Variants in ELAPOR1 observed in about 807,000 individuals in gnomAD.
The protein encoded by ELAPOR1 is endosome-lysosome associated apoptosis and autophagy regulator 1, also known as endosome/lysosome-associated apoptosis and autophagy regulator 1.
Under a neutral mutation model 119.7 loss-of-function variants are expected in ELAPOR1, and 77 were observed. The ratio of observed to expected loss-of-function variants is 0.64; its 90% CI spans 0.54 to 0.78. The LOEUF (loss-of-function observed/expected upper bound fraction) is 0.78, where lower values mean the gene tolerates loss of function less well. Among genes scored for constraint, ELAPOR1 ranks in the 30% least tolerant of loss-of-function variants. ELAPOR1 has a pLI of 0.00. For missense variants in ELAPOR1, 1,115 were observed against 1,270.4 expected, an observed-to-expected ratio of 0.88 and a Z score of 1.86; for synonymous variants, 481 against 487.2, an observed-to-expected ratio of 0.99 and a Z score of 0.17.
intron 10 of ELAPOR1, 85 bp downstream of exon 10, chr1:109,189,279 T>A: frequency 6.7e-7 from 1 of 1,487,816 alleles, no homozygotes. Context: ...ATAATAGTGA[T>A]GTCTGAGAAA....
chr1:109,121,328 G>T (rs1359525377), intron 1 of ELAPOR1, among the ~76,000 whole-genome samples: 1 of 151,940 alleles, frequency 6.6e-6, no homozygotes, highest in Non-Finnish European at 1.5e-5. Flanking sequence ...TGTATTTTTA[G>T]TAGAGATGGT....
intron 1 of ELAPOR1, among the ~76,000 whole-genome samples, chr1:109,155,866 G>T (rs1245003774): frequency 6.6e-6 from 1 of 152,134 alleles, no homozygotes; most frequent in Middle Eastern, 3.2e-3. Flanking sequence ...TTTTTGGACG[G>T]GTGTGGTGAC....
rs1648423990 is a variant in ELAPOR1, at chr1:109,121,615, G to T, written c.153+7279G>T. 3.3e-5 allele frequency among the ~76,000 whole-genome samples: 5 copies of T among 152,262 alleles called. No homozygotes were observed. The South Asian group carries it at 1.0e-3, about 32-fold the overall frequency. On this transcript the variant is annotated intron_variant, in intron 1 of 21. Coordinates refer to ENST00000369939, the MANE Select transcript of ELAPOR1 (RefSeq NM_020775.5). ...TTACATTCAGGATGAATCCTGAAAA[G>T]AGGGGTAATGCTGCCTTAGACACTG...
chr1:109,142,527 G>T (rs1649892968), intron 1 of ELAPOR1, among the ~76,000 whole-genome samples: 1 of 152,246 alleles, frequency 6.6e-6, no homozygotes, highest in Non-Finnish European at 1.5e-5. Flanking sequence ...GTCAGATCTT[G>T]TGATCTCATA....
At chr1:109,175,857 T>C (rs937205500) in intron 7 of ELAPOR1, among the ~76,000 whole-genome samples, 90 of 139,306 alleles carry the variant, frequency 6.5e-4, no homozygotes, top group East Asian at 5.1e-3. Flanking sequence ...AAAAAGATTA[T>C]AACATAAACA....
intron 1 of ELAPOR1, among the ~76,000 whole-genome samples, chr1:109,136,972 C>T (rs566291911): frequency 5.9e-5 from 9 of 152,216 alleles, no homozygotes; most frequent in South Asian, 4.2e-4. Context: ...AGGGGAGCTC[C>T]CACCGGCCAG....
intron 7 of ELAPOR1, among the ~76,000 whole-genome samples, chr1:109,174,958 G>T (rs192955050): frequency 6.6e-5 from 10 of 151,566 alleles, no homozygotes; most frequent in African/African-American, 2.4e-4. Context: ...CTCGTGATCC[G>T]CCCGCCTCAG....
intron 1 of ELAPOR1, among the ~76,000 whole-genome samples, chr1:109,137,551 G>A (rs929492911): frequency 8.0e-5 from 12 of 149,646 alleles, no homozygotes; most frequent in Non-Finnish European, 1.5e-4. Flanking sequence ...TTTTGAGGCG[G>A]AGTTTCGCTC....
intron 8 of ELAPOR1, chr1:109,187,498 C>T (rs1315973022): frequency 1.0e-6 from 1 of 1,000,282 alleles, no homozygotes; most frequent in East Asian, 1.1e-4. Flanking sequence ...TGTTCATCAA[C>T]CCCTCAGTTC....
At chr1:109,151,041 G>T (rs1267003220) in intron 1 of ELAPOR1, among the ~76,000 whole-genome samples, 4 of 152,164 alleles carry the variant, frequency 2.6e-5, no homozygotes, top group Non-Finnish European at 5.9e-5. Flanking sequence ...TATGGGCAAT[G>T]ATCCATGGGC....
chr1:109,129,827 T>C (rs147409678), intron 1 of ELAPOR1, among the ~76,000 whole-genome samples: 2,271 of 152,298 alleles, frequency 0.015, 25 homozygotes, highest in Middle Eastern at 0.024. Context: ...AGACGTGCAC[T>C]AGTTATATTA....
At chr1:109,140,317 T>C (rs756018015) in intron 1 of ELAPOR1, among the ~76,000 whole-genome samples, 23 of 152,192 alleles carry the variant, frequency 1.5e-4, no homozygotes, top group Non-Finnish European at 2.5e-4. Flanking sequence ...TGAGGTAAAG[T>C]GGGCAGCATC....
intron 1 of ELAPOR1, among the ~76,000 whole-genome samples, chr1:109,138,834 C>CAAAAAAAAAAAAAAAAAAAAAAAAAAA (rs150398954): frequency 7.5e-5 from 8 of 107,322 alleles, no homozygotes; most frequent in Non-Finnish European, 9.1e-5. Flanking sequence ...AACTCCATCT[C>CAAAAAAAAAAAAAAAAAAAAAAAAAAA]AAAAAAAAAA....
chr1:109,202,188 C>A (rs868479233), intron 21 of ELAPOR1, among the ~76,000 whole-genome samples: 18 of 152,128 alleles, frequency 1.2e-4, no homozygotes, highest in Middle Eastern at 3.2e-3. Flanking sequence ...TCTCAGCTCA[C>A]TGCAACCTCC....
At chr1:109,138,550 T>C (rs1441676955) in intron 1 of ELAPOR1, among the ~76,000 whole-genome samples, 1 of 132,344 alleles carries the variant, frequency 7.6e-6, no homozygotes, top group African/African-American at 3.1e-5. Flanking sequence ...AAACTGTTTC[T>C]ATCACCTCCT....
At position 109,192,998 on chromosome 1, in the gene ELAPOR1, G is replaced by C. The variant is rs900352562; in HGVS notation, c.1947+124G>C. The C allele has an allele frequency of 5.5e-6, 6 of 1,098,826 alleles. No homozygotes were observed. The East Asian group carries it at 1.2e-4, about 22-fold the overall frequency. 68.1% of individuals were successfully genotyped at this position (1,098,826 alleles called of 1,614,324 possible). A position where few individuals can be genotyped will look rare whatever the true frequency, so the allele number is the denominator to read the frequency against. On this transcript the variant is annotated intron_variant, in intron 14 of 21. Coordinates refer to ENST00000369939, the MANE Select transcript of ELAPOR1 (RefSeq NM_020775.5). ...GAGTGCTCCCCCTAGCATACTCCTA[G>C]GTTGGAGTCCTGGAGGACACCCATC...
intron 8 of ELAPOR1, chr1:109,187,836 C>T: frequency 9.9e-7 from 1 of 1,008,594 alleles, no homozygotes; most frequent in Non-Finnish European, 1.2e-6. Context: ...TCACCAGCTG[C>T]TTTTCCTGTG....
intron 21 of ELAPOR1, among the ~76,000 whole-genome samples, chr1:109,201,867 A>G (rs924975999): frequency 1.3e-5 from 2 of 152,192 alleles, no homozygotes; most frequent in Non-Finnish European, 2.9e-5. Context: ...TGGGAGGCCC[A>G]GGCTGGAGGA....
At chr1:109,196,585 G>T (rs1408816907) in intron 15 of ELAPOR1, among the ~76,000 whole-genome samples, 2 of 149,268 alleles carry the variant, frequency 1.3e-5, no homozygotes, top group South Asian at 2.1e-4. Context: ...AAAGACAAAA[G>T]AACTCTATTT....
Sources: allele counts gnomAD v4.1 joint callset (sites outside exome capture counted in the v4.1 genomes callset), GRCh38; gene constraint gnomAD v4.1.1; transcripts MANE v1.5; gene names NCBI Gene and HGNC (gene_info 2026-07-23, HGNC 2026-07-21).